The following PCDHGB3 variants were observed in gnomAD, a reference collection of about 807,000 sequenced individuals.
The protein encoded by PCDHGB3 is protocadherin gamma-B3.
Under a neutral mutation model 59.2 loss-of-function variants are expected in PCDHGB3, and 40 were observed. The observed-to-expected ratio is 0.68, with a 90% CI of 0.52 to 0.88. The LOEUF is 0.88. Among genes scored for constraint, PCDHGB3 ranks in the 40% least tolerant of loss-of-function variants. The probability of loss-of-function intolerance (pLI) is 0.00; values close to 1 mark genes in which losing one functional copy is unlikely to be tolerated. For synonymous variants in PCDHGB3, 581 were observed against 503.6 expected, an observed-to-expected ratio of 1.15 and a Z score of -2.06; for missense variants, 1,309 against 1,187.9, an observed-to-expected ratio of 1.10 and a Z score of -1.50.
At chr5:141,390,444 G>A in intron 1 of PCDHGB3, 1 of 870,148 alleles carries the variant, frequency 1.1e-6, no homozygotes, top group South Asian at 1.8e-5. Context: ...TTCTACAAAG[G>A]AGGAGTAAAG....
chr5:141,384,471 G>T lies in PCDHGB3; in HGVS notation c.2415+11662G>T, dbSNP rs200621761. On this transcript the variant is annotated intron_variant, in intron 1 of 3. Coordinates refer to ENST00000576222, the MANE Select transcript of PCDHGB3 (RefSeq NM_018924.5). ...CGCTGCAATCCTTTGATTATGAGCA[G>T]TTGAGAGAACTACAACTAAGAGTGA... The T allele has an allele frequency of 1.4e-4, 226 of 1,614,000 alleles. No homozygotes were observed. The highest frequency in any genetic ancestry group is 4.2e-4 in the Admixed American group (25 of 60,010).
Position 141,418,027 on chromosome 5 carries a change from T to A in PCDHGB3, c.2415+45218T>A, listed in dbSNP as rs536104184. 2.4e-5 allele frequency: 38 copies of A among 1,613,808 alleles called. 1 individual carries two copies. In the South Asian group the frequency reaches 4.2e-4, roughly 18 times the overall value. ...GGAACCTCGCTAAGGATCTAGGGCT[T>A]AGTGTCCTGGATGTGTCGGCTCGCG... On this transcript the variant is annotated intron_variant, in intron 1 of 3. Coordinates refer to ENST00000576222, the MANE Select transcript of PCDHGB3 (RefSeq NM_018924.5).
chr5:141,487,857 T>A lies in PCDHGB3; in HGVS notation c.2416-6950T>A. Reference sequence around the variant, plus strand: ...TATCTGAGTAAGAAATGAAAGTAATTGGTGATCAAGAGCCAGGCTGTTGTG... The same window carrying A: ...TATCTGAGTAAGAAATGAAAGTAATAGGTGATCAAGAGCCAGGCTGTTGTG... On this transcript the variant is annotated intron_variant, in intron 1 of 3. Coordinates refer to ENST00000576222, the MANE Select transcript of PCDHGB3 (RefSeq NM_018924.5). The surrounding 1 kb of genome is among the most constrained non-coding windows in gnomAD (Gnocchi z 5.0). The A allele has an allele frequency of 1.0e-6, 1 of 964,674 alleles. No individual in the cohort carries two copies. Among genetic ancestry groups the A allele is most frequent in the Non-Finnish European group, 1.5e-6 (1 of 659,920 alleles). 59.8% of individuals were successfully genotyped at this position (964,674 alleles called of 1,614,324 possible). A position where few individuals can be genotyped will look rare whatever the true frequency, so the allele number is the denominator to read the frequency against.
chr5:141,505,270 G>A (rs550800630), intron 2 of PCDHGB3, 123 bp from the exon 3 acceptor site: 103 of 1,520,724 alleles, frequency 6.8e-5, no homozygotes, highest in Middle Eastern at 4.6e-4. Context: ...CTTGCTGAGA[G>A]AAACAGGTCT....
chr5:141,403,161 G>A (rs1435695987), intron 1 of PCDHGB3: 12 of 1,614,026 alleles, frequency 7.4e-6, no homozygotes, highest in Non-Finnish European at 1.0e-5. Context: ...GTCTCTAGAG[G>A]TAGGACGCAG....
chr5:141,430,885 C>G, intron 1 of PCDHGB3: 1 of 1,605,218 alleles, frequency 6.2e-7, no homozygotes, highest in Non-Finnish European at 8.5e-7. Context: ...TGGAGAAAGG[C>G]TCTAGGGTGG....
At chr5:141,383,438 T>G (rs771107415) in intron 1 of PCDHGB3, 1 of 1,613,960 alleles carries the variant, frequency 6.2e-7, no homozygotes, top group South Asian at 1.1e-5. Flanking sequence ...CACTTCTCCC[T>G]GGCTGTGCAA....
intron 1 of PCDHGB3, chr5:141,388,992 C>A: frequency 6.2e-7 from 1 of 1,613,952 alleles, no homozygotes; most frequent in Non-Finnish European, 8.5e-7. Flanking sequence ...GCTCAAAGTC[C>A]GTGACAAGGA....
intron 1 of PCDHGB3, chr5:141,398,610 T>C: frequency 6.2e-7 from 1 of 1,614,020 alleles, no homozygotes. Context: ...AAGATGCAGA[T>C]ATTGGCTTAA....
intron 1 of PCDHGB3, among the ~76,000 whole-genome samples, chr5:141,454,120 T>C (rs956675583): frequency 6.6e-5 from 10 of 152,228 alleles, no homozygotes; most frequent in African/African-American, 2.4e-4. Context: ...ATAGAAGAAA[T>C]AGCTGACCAT....
At position 141,399,541 on chromosome 5, in the gene PCDHGB3, G is replaced by T. The variant is rs1301909841; in HGVS notation, c.2415+26732G>T. Reference sequence around the variant, plus strand: ...TGGGGCCTCCATCGCGCAAGTCTGCGCCTCGGACCTGGACTTGGGGTTGAA... The same window carrying T: ...TGGGGCCTCCATCGCGCAAGTCTGCTCCTCGGACCTGGACTTGGGGTTGAA... On this transcript the variant is annotated intron_variant, in intron 1 of 3. Transcript: ENST00000576222. 1.9e-6 allele frequency: 3 copies of T among 1,613,926 alleles called. No individual in the cohort carries two copies. In the Admixed American group the frequency reaches 5.0e-5, roughly 27 times the overall value.
rs368800698 is a variant in PCDHGB3, at chr5:141,405,118, G to A, written c.2415+32309G>A. The A allele has an allele frequency of 1.1e-5, 18 of 1,613,946 alleles. No homozygotes were observed. The East Asian group carries it at 1.8e-4, about 16-fold the overall frequency. ...TCAGGCTGAGGCACTGGCACTCCTCGCATCTGCTGCGGGCTACCAGTGATG... is the reference window on the plus strand; with the variant it reads ...TCAGGCTGAGGCACTGGCACTCCTCACATCTGCTGCGGGCTACCAGTGATG... On this transcript the variant is annotated intron_variant, in intron 1 of 3. Transcript: ENST00000576222.
intron 1 of PCDHGB3, chr5:141,409,838 G>A: frequency 1.2e-6 from 2 of 1,611,532 alleles, no homozygotes; most frequent in Non-Finnish European, 1.7e-6. Context: ...CAGCGCCAAC[G>A]TGAGCCTGCG....
chr5:141,487,822 G>C lies in PCDHGB3; in HGVS notation c.2416-6985G>C. On this transcript the variant is annotated intron_variant, in intron 1 of 3. Coordinates refer to ENST00000576222, the MANE Select transcript of PCDHGB3 (RefSeq NM_018924.5). The surrounding 1 kb of genome is among the most constrained non-coding windows in gnomAD (Gnocchi z 5.0). ...TGTCACAGTTTAGCATTGGGGGCGGGTCATGCCTATATCTGAGTAAGAAAT... is the reference window on the plus strand; with the variant it reads ...TGTCACAGTTTAGCATTGGGGGCGGCTCATGCCTATATCTGAGTAAGAAAT... 1 of 1,278,758 alleles carries C rather than the reference G, an allele frequency of 7.8e-7. No individual in the cohort carries two copies. The highest frequency in any genetic ancestry group is 1.4e-5 in the South Asian group (1 of 69,172). The allele number at this position is 1,278,758 out of a possible 1,614,324, so 79.2% of individuals were successfully genotyped here. A position where few individuals can be genotyped will look rare whatever the true frequency, so the allele number is the denominator to read the frequency against.
chr5:141,395,327 AAAT>A (rs760723981), intron 1 of PCDHGB3: 2 of 1,469,018 alleles, frequency 1.4e-6, no homozygotes, highest in Non-Finnish European at 1.8e-6. Flanking sequence ...AGATAGTTGA[AAAT>A]AATTTTTAAG....
chr5:141,410,246 TCTGACCCCCAGG>T (rs2095371499), intron 1 of PCDHGB3: 2 of 1,614,004 alleles, frequency 1.2e-6, no homozygotes, highest in Admixed American at 3.3e-5. Flanking sequence ...CCCTGTACTC[TCTGACCCCCAGG>T]CTGAACTGCA....
At chr5:141,510,534 C>T (rs1187165551) in intron 3 of PCDHGB3, among the ~76,000 whole-genome samples, 2 of 152,126 alleles carry the variant, frequency 1.3e-5, no homozygotes, top group African/African-American at 2.4e-5. Context: ...AGAGAAATAC[C>T]AGCGAATGTG....
At chr5:141,435,055 A>T (rs148331367) in intron 1 of PCDHGB3, among the ~76,000 whole-genome samples, 5 of 152,124 alleles carry the variant, frequency 3.3e-5, no homozygotes, top group Non-Finnish European at 7.4e-5. Flanking sequence ...TTGACCATGC[A>T]GCAGTTTTGT....
intron 1 of PCDHGB3, chr5:141,378,952 A>C (rs1276367452): frequency 6.6e-6 from 1 of 152,232 alleles, no homozygotes; most frequent in East Asian, 1.9e-4. Flanking sequence ...AATGGAGTAC[A>C]GGGGATTCTC....
Sources: allele counts gnomAD v4.1 joint callset (sites outside exome capture counted in the v4.1 genomes callset), GRCh38; gene constraint gnomAD v4.1.1; non-coding constraint Gnocchi (gnomAD v3.1); transcripts MANE v1.5; gene names NCBI Gene and HGNC (gene_info 2026-07-23, HGNC 2026-07-21).